ZMYM1: variants seen among roughly 807,000 people sequenced by gnomAD.
ZMYM1 encodes zinc finger MYM-type protein 1.
A neutral mutation model predicts 60.0 loss-of-function variants in ZMYM1; 39 were observed. That is an observed-to-expected ratio of 0.65 (90% CI 0.50 to 0.85). The LOEUF is 0.85. Among genes scored for constraint, ZMYM1 ranks in the 40% least tolerant of loss-of-function variants. The pLI is 0.00. For missense variants in ZMYM1, 1,171 were observed against 1,309.5 expected, an observed-to-expected ratio of 0.89 and a Z score of 1.63; for synonymous variants, 413 against 454.0, an observed-to-expected ratio of 0.91 and a Z score of 1.15.
At chr1:35,117,130 C>CTT (rs34976466), downstream of ZMYM1, among the ~76,000 whole-genome samples, 163 of 143,928 alleles carry the variant, frequency 1.1e-3, no homozygotes, top group Middle Eastern at 0.011. Flanking sequence ...CGCGCCCGGC[C>CTT]TTTTTTTTTT....
chr1:35,080,163 A>AT (rs1305861395), intron 1 of ZMYM1, among the ~76,000 whole-genome samples: 4 of 152,066 alleles, frequency 2.6e-5, no homozygotes, highest in African/African-American at 9.7e-5. Context: ...GATTTACAAG[A>AT]TTAATTTTAA....
At position 35,113,709 on chromosome 1, in the gene ZMYM1, A is replaced by G. The variant is rs759167990; in HGVS notation, c.1879A>G (p.Thr627Ala). 1.6e-5 allele frequency: 26 copies of G among 1,613,854 alleles called. No homozygotes were observed. Among genetic ancestry groups the G allele is most frequent in the Non-Finnish European group, 2.2e-5 (26 of 1,179,872 alleles). ...IQSDIIEIIK[T>A]EMLQDIVNEI... is the part of the protein sequence containing the mutation. The stretch of plus-strand genomic sequence containing the variant: ...AAGTGATATTATCGAAATAATAAAG[A>G]CTGAAATGTTGCAGGATATTGTGAA... The change falls in exon 10 of 10, where the codon ACT becomes GCT. Residue 627 changes from threonine (T) to alanine (A), a missense_variant. By Grantham distance (58) the Thr-to-Ala change is moderately conservative. Transcript: ENST00000359858.
At chr1:35,092,658 C>T (rs1000332236) in intron 1 of ZMYM1, among the ~76,000 whole-genome samples, 6 of 151,208 alleles carry the variant, frequency 4.0e-5, no homozygotes, top group Admixed American at 1.3e-4. Context: ...GACAGAGTCT[C>T]GCTCTGTCAC....
chr1:35,093,427 T>C (rs895320402), intron 1 of ZMYM1: 1 of 152,410 alleles, frequency 6.6e-6, no homozygotes. Flanking sequence ...GCCTCCCGAG[T>C]AGCTGGGATT....
intron 1 of ZMYM1, among the ~76,000 whole-genome samples, chr1:35,063,726 G>A (rs557096947): frequency 3.3e-5 from 5 of 152,226 alleles, no homozygotes; most frequent in Non-Finnish European, 4.4e-5. Context: ...AACATTTGAC[G>A]ATCTCTATCA....
At chr1:35,070,135 T>C (rs1569844858) in intron 1 of ZMYM1, among the ~76,000 whole-genome samples, 1 of 152,214 alleles carries the variant, frequency 6.6e-6, no homozygotes, top group Admixed American at 6.5e-5. Context: ...ATGTCATTGG[T>C]ATTTTTGTAG....
intron 6 of ZMYM1, 62 bp downstream of exon 6, chr1:35,104,831 A>G: frequency 7.0e-7 from 1 of 1,420,954 alleles, no homozygotes; most frequent in Non-Finnish European, 9.8e-7. Context: ...CACTCTAGGA[A>G]AATGTGGGAA....
chr1:35,114,522 G>A lies in ZMYM1; in HGVS notation c.2692G>A (p.Glu898Lys). The A allele has an allele frequency of 6.2e-7, 1 of 1,610,280 alleles. No homozygotes were observed. ...SLSSKIEAILECLSSERNDVY... is the reference protein window; with the variant it reads ...SLSSKIEAILKCLSSERNDVY... ...GTCTTCAAAAATAGAAGCAATTTTG[G>A]AATGTTTATCATCTGAAAGAAATGA... is the stretch of plus-strand genomic sequence containing the variant. The change falls in exon 10 of 10, where the codon GAA (glutamate) becomes AAA (lysine). Residue 898 changes from glutamate to lysine, a missense_variant. Transcript: ENST00000359858.
chr1:35,073,198 T>G (rs1245810468), intron 1 of ZMYM1, among the ~76,000 whole-genome samples: 1 of 142,020 alleles, frequency 7.0e-6, no homozygotes, highest in East Asian at 2.0e-4. Flanking sequence ...AGGTGGAGGT[T>G]GCTGAGATCA....
chr1:35,068,709 G>A (rs1302415984), intron 1 of ZMYM1, among the ~76,000 whole-genome samples: 1 of 150,518 alleles, frequency 6.6e-6, no homozygotes, highest in Non-Finnish European at 1.5e-5. Context: ...AGCTCAAAAT[G>A]GATCCTAGAT....
intron 4 of ZMYM1, among the ~76,000 whole-genome samples, chr1:35,103,321 T>C (rs1643753214): frequency 1.3e-5 from 2 of 152,304 alleles, no homozygotes; most frequent in Admixed American, 6.5e-5. Flanking sequence ...ATTTTATCTA[T>C]CCTGAATATC....
At chr1:35,076,078 T>C (rs953084892), upstream of ZMYM1, among the ~76,000 whole-genome samples, 1 of 152,154 alleles carries the variant, frequency 6.6e-6, no homozygotes, top group African/African-American at 2.4e-5. Flanking sequence ...AAAAAGCAAC[T>C]CTTTCACAGG....
At position 35,113,158 on chromosome 1, in the gene ZMYM1, C is replaced by T. The variant is rs779671104; in HGVS notation, c.1328C>T (p.Thr443Ile). The change falls in exon 10 of 10, where the codon ACA (threonine) becomes ATA (isoleucine). Residue 443 changes from threonine to isoleucine, a missense_variant. By Grantham distance (89) the Thr-to-Ile change is moderately conservative (BLOSUM62 -1). Coordinates refer to ENST00000359858, the MANE Select transcript of ZMYM1 (RefSeq NM_024772.5). ...GATGAACTATGTCACCCAAAATGTA[C>T]ATCCAAAGTACAAAAAGTTAAAGGT... ...ISDELCHPKCTSKVQKVKGKS... is the reference protein window; with the variant it reads ...ISDELCHPKCISKVQKVKGKS... The T allele has an allele frequency of 1.9e-6, 3 of 1,613,654 alleles. No homozygotes were observed. The highest frequency in any genetic ancestry group is 4.5e-5 in the East Asian group (2 of 44,856).
At chr1:35,063,880 C>T (rs1641920063) in intron 1 of ZMYM1, among the ~76,000 whole-genome samples, 1 of 152,036 alleles carries the variant, frequency 6.6e-6, no homozygotes, top group Admixed American at 6.6e-5. Flanking sequence ...AGAGGTGGCA[C>T]TAAAAGAGAA....
intron 7 of ZMYM1, 60 bp downstream of exon 7, chr1:35,110,507 C>G: frequency 4.1e-6 from 5 of 1,218,314 alleles, no homozygotes; most frequent in Non-Finnish European, 3.2e-6. Flanking sequence ...TATTATTTGA[C>G]TTTAATTTAT....
At chr1:35,105,610 T>G (rs1160323441) in intron 6 of ZMYM1, among the ~76,000 whole-genome samples, 1 of 152,110 alleles carries the variant, frequency 6.6e-6, no homozygotes, top group Non-Finnish European at 1.5e-5. Context: ...TTTATTTTTT[T>G]TATTTATTTT....
At chr1:35,090,791 A>G (rs1263845896) in intron 1 of ZMYM1, among the ~76,000 whole-genome samples, 1 of 152,110 alleles carries the variant, frequency 6.6e-6, no homozygotes, top group Non-Finnish European at 1.5e-5. Context: ...TACTAAAAAT[A>G]CAAAATTAGC....
intron 2 of ZMYM1, 103 bp downstream of exon 2, chr1:35,094,186 T>C (rs916862936): frequency 2.2e-6 from 2 of 920,658 alleles, no homozygotes; most frequent in African/African-American, 1.7e-5. Flanking sequence ...CAAATCCTTA[T>C]CTCCTCCAAA....
intron 4 of ZMYM1, among the ~76,000 whole-genome samples, chr1:35,103,979 T>A (rs1389293191): frequency 6.6e-6 from 1 of 152,172 alleles, no homozygotes; most frequent in Non-Finnish European, 1.5e-5. Context: ...TATGTGCCTG[T>A]AATCCTAGCT....
Sources: allele counts gnomAD v4.1 joint callset (sites outside exome capture counted in the v4.1 genomes callset), GRCh38; gene constraint gnomAD v4.1.1; transcripts MANE v1.5; gene names NCBI Gene and HGNC (gene_info 2026-07-23, HGNC 2026-07-21).